BAZ2B: variants seen among roughly 807,000 people sequenced by gnomAD.
The protein encoded by BAZ2B is bromodomain adjacent to zinc finger domain 2B, also known as bromodomain adjacent to zinc finger domain protein 2B.
BAZ2B carries 91 observed loss-of-function variants against 246.0 expected under a neutral mutation model. The observed-to-expected ratio is 0.37, with a 90% CI of 0.31 to 0.44. The LOEUF is 0.44. Ranked by LOEUF, BAZ2B falls within the 20% of genes least tolerant of loss-of-function variation. The pLI is 1.00. For synonymous variants in BAZ2B, 855 were observed against 860.0 expected (o/e 0.99, Z 0.10); for missense variants, 2,332 against 2,533.7 (o/e 0.92, Z 1.71).
intron 14 of BAZ2B, 69 bp from the exon 15 acceptor site, chr2:159,405,183 G>T: frequency 7.8e-7 from 1 of 1,286,942 alleles, no homozygotes. Flanking sequence ...CAATAACTGT[G>T]TGAAAATGGT....
chr2:159,689,585 G>A, the BAZ2B span: 23 of 232,152 alleles, frequency 9.9e-5, no homozygotes, highest in Non-Finnish European at 1.5e-4. Context: ...TGTTGGCCAG[G>A]CTGGTCTCAA....
intron 25 of BAZ2B, among the ~76,000 whole-genome samples, chr2:159,381,768 T>C (rs998369797): frequency 5.3e-5 from 8 of 152,188 alleles, no homozygotes; most frequent in African/African-American, 1.9e-4. Flanking sequence ...AGATCCTAGT[T>C]CATCATTGTT....
intron 1 of BAZ2B, 123 bp from the exon 2 acceptor site, chr2:159,555,988 C>A (rs943909832): frequency 1.3e-5 from 2 of 152,104 alleles, no homozygotes; most frequent in Non-Finnish European, 2.9e-5. Flanking sequence ...AATTAACCTA[C>A]GGTATCAGGG....
At chr2:159,497,162 T>C (rs2081254368) in intron 2 of BAZ2B, among the ~76,000 whole-genome samples, 1 of 152,212 alleles carries the variant, frequency 6.6e-6, no homozygotes, top group South Asian at 2.1e-4. Context: ...CAGAAATGTA[T>C]GTGCTCACTT....
Position 159,438,410 on chromosome 2 carries a change from C to T in BAZ2B, c.1186G>A (p.Glu396Lys). The part of the protein sequence containing the change: ...PLSLVNQAKK[E>K]TYMKLIVPSP... ...GGAACTATGAGTTTCATGTAAGTTT[C>T]CTTTTTGGCTTGATTTACCAAAGAT... Residue 396 changes from glutamate (E) to lysine (K), a missense_variant, in exon 8 of 37, where the codon GAA (glutamate) becomes AAA (lysine). Glu to Lys is a moderately conservative substitution (Grantham distance 56, BLOSUM62 1). Around this residue, in one of 9 missense-constraint regions of BAZ2B, gnomAD observed 161 missense variants for 225.8 expected, o/e 0.71. Coordinates refer to ENST00000392783, the MANE Select transcript of BAZ2B (RefSeq NM_013450.4). 1.2e-6 allele frequency: 2 copies of T among 1,614,100 alleles called. No homozygotes were observed. Among genetic ancestry groups the T allele is most frequent in the Non-Finnish European group, 1.7e-6 (2 of 1,179,992 alleles).
chr2:159,337,986 C>T (rs2065945048), intron 31 of BAZ2B, among the ~76,000 whole-genome samples: 1 of 152,030 alleles, frequency 6.6e-6, no homozygotes, highest in Non-Finnish European at 1.5e-5. Flanking sequence ...AATTTATAAA[C>T]TTTTGATATT....
At chr2:159,340,017 A>G (rs561059053) in intron 31 of BAZ2B, among the ~76,000 whole-genome samples, 2 of 152,314 alleles carry the variant, frequency 1.3e-5, no homozygotes, top group African/African-American at 4.8e-5. Context: ...CAATTAGACA[A>G]AATCTGGAAA....
At chr2:159,686,970 T>A in the BAZ2B span, among the ~76,000 whole-genome samples, 7 of 129,928 alleles carry the variant, frequency 5.4e-5, no homozygotes, top group Non-Finnish European at 1.1e-4. Context: ...TCAACCCGGG[T>A]GGCGGAGCTT....
intron 2 of BAZ2B, among the ~76,000 whole-genome samples, chr2:159,519,522 G>C (rs575979714): frequency 6.6e-6 from 1 of 151,484 alleles, no homozygotes; most frequent in Non-Finnish European, 1.5e-5. Context: ...GAGCCACCGC[G>C]CCCGGCCTCA....
chr2:159,371,766 T>C (rs2060878170), intron 27 of BAZ2B, among the ~76,000 whole-genome samples: 1 of 152,220 alleles, frequency 6.6e-6, no homozygotes, highest in African/African-American at 2.4e-5. Flanking sequence ...TGGCCATCTG[T>C]ACCAAACATT....
intron 24 of BAZ2B, among the ~76,000 whole-genome samples, chr2:159,383,319 T>C (rs2062226125): frequency 6.6e-6 from 1 of 152,132 alleles, no homozygotes; most frequent in African/African-American, 2.4e-5. Context: ...AGCAACTTAA[T>C]AGCAACCACA....
intron 2 of BAZ2B, among the ~76,000 whole-genome samples, chr2:159,537,290 A>G (rs146555094): frequency 1.3e-5 from 2 of 152,362 alleles, no homozygotes; most frequent in East Asian, 1.9e-4. Context: ...TTTAATGTGC[A>G]TAGACTTTTA....
chr2:159,395,097 T>G (rs2063828806), intron 20 of BAZ2B, among the ~76,000 whole-genome samples: 1 of 150,966 alleles, frequency 6.6e-6, no homozygotes, highest in African/African-American at 2.4e-5. Context: ...ATCATCTCAA[T>G]TTTAAAAAAA....
At chr2:159,701,184 T>A in the BAZ2B span, among the ~76,000 whole-genome samples, 1 of 152,324 alleles carries the variant, frequency 6.6e-6, no homozygotes, top group Middle Eastern at 3.4e-3. Flanking sequence ...AAATGAAACC[T>A]CAATGTCTCT....
chr2:159,552,307 T>C (rs2088379103), intron 2 of BAZ2B, among the ~76,000 whole-genome samples: 2 of 152,268 alleles, frequency 1.3e-5, no homozygotes, highest in South Asian at 4.1e-4. Flanking sequence ...TGTAGAAATC[T>C]ATTTATTAAA....
intron 2 of BAZ2B, among the ~76,000 whole-genome samples, chr2:159,530,960 C>A (rs1291162680): frequency 6.7e-6 from 1 of 148,886 alleles, no homozygotes; most frequent in African/African-American, 2.4e-5. Flanking sequence ...ACAGAGACTC[C>A]GTCTCAAAAC....
Position 159,519,210 on chromosome 2 carries a change from C to CTTTTTTTTTT in BAZ2B, c.-3+36603_-3+36612dup, listed in dbSNP as rs564614568. 3.6e-3 allele frequency among the ~76,000 whole-genome samples: 209 copies of CTTTTTTTTTT among 57,786 alleles called. 31 individuals carry two copies. The highest frequency in any genetic ancestry group is 7.6e-3 in the African/African-American group (126 of 16,624). The allele number at this position is 57,786 out of a possible 152,430, so 37.9% of individuals were successfully genotyped here. ...AAATTCCAACTTCATATTCTATTTT[C>CTTTTTTTTTT]TTTTTTTTTTTTTTTTTTTTTTTTT... On this transcript the variant is annotated intron_variant, in intron 2 of 36. Coordinates refer to ENST00000392783, the MANE Select transcript of BAZ2B (RefSeq NM_013450.4).
the BAZ2B span, among the ~76,000 whole-genome samples, chr2:159,704,848 G>A: frequency 1.3e-5 from 2 of 152,014 alleles, no homozygotes; most frequent in East Asian, 1.9e-4. Flanking sequence ...GACTACAGGT[G>A]CCCACCACCA....
chr2:159,659,486 A>G, the BAZ2B span, among the ~76,000 whole-genome samples: 1 of 152,200 alleles, frequency 6.6e-6, no homozygotes, highest in Non-Finnish European at 1.5e-5. Context: ...TCCCAAGTGG[A>G]ACTAACTTTT....
Sources: allele counts gnomAD v4.1 joint callset (sites outside exome capture counted in the v4.1 genomes callset), GRCh38; gene constraint gnomAD v4.1.1; regional missense constraint gnomAD v4.1.1; transcripts MANE v1.5; gene names NCBI Gene and HGNC (gene_info 2026-07-23, HGNC 2026-07-21).